TNIP1: variants seen among roughly 807,000 people sequenced by gnomAD.
TNIP1 encodes TNFAIP3-interacting protein 1.
A neutral mutation model predicts 86.6 loss-of-function variants in TNIP1; 22 were observed. That is an observed-to-expected ratio of 0.25 (90% CI 0.18 to 0.36). The LOEUF is 0.36. Among genes scored for constraint, TNIP1 ranks in the 10% least tolerant of loss-of-function variants. The probability of loss-of-function intolerance (pLI) is 1.00; values close to 1 mark genes in which losing one functional copy is unlikely to be tolerated. For missense variants in TNIP1, 709 were observed against 820.6 expected (o/e 0.86, Z 1.66); for synonymous variants, 294 against 313.0 (o/e 0.94, Z 0.64).
chr5:151,075,636 A>G (rs1763302196), intron 1 of TNIP1, among the ~76,000 whole-genome samples: 1 of 152,234 alleles, frequency 6.6e-6, no homozygotes, highest in Non-Finnish European at 1.5e-5. Flanking sequence ...AATATTTTCT[A>G]AAAGTCTATG....
intron 17 of TNIP1, 26 bp downstream of exon 17, chr5:151,032,261 A>G: frequency 6.3e-7 from 1 of 1,578,452 alleles, no homozygotes; most frequent in Non-Finnish European, 8.7e-7. Flanking sequence ...CCCAGGGAGG[A>G]CCAAGACTCA....
At chr5:151,082,957 C>T (rs550089911), upstream of TNIP1, among the ~76,000 whole-genome samples, 5 of 152,276 alleles carry the variant, frequency 3.3e-5, no homozygotes, top group East Asian at 5.8e-4. Flanking sequence ...TAAACTGAGT[C>T]CTCTGTCTAG....
At chr5:151,034,862 T>G in intron 15 of TNIP1, 140 bp downstream of exon 15, 1 of 876,268 alleles carries the variant, frequency 1.1e-6, no homozygotes, top group Non-Finnish European at 1.8e-6. Context: ...AATACTGCTC[T>G]AAGGCTTTTC....
intron 8 of TNIP1, among the ~76,000 whole-genome samples, chr5:151,049,096 G>C (rs528145944): frequency 6.6e-6 from 1 of 152,174 alleles, no homozygotes; most frequent in Admixed American, 6.5e-5. Context: ...TACGGTAATT[G>C]CTACTATTGC....
chr5:151,055,328 T>C (rs1271709777), intron 6 of TNIP1, among the ~76,000 whole-genome samples: 1 of 152,096 alleles, frequency 6.6e-6, no homozygotes, highest in African/African-American at 2.4e-5. Flanking sequence ...AAATAAAAAA[T>C]AACAGAGGTT....
chr5:151,047,666 T>C (rs1407965877), intron 8 of TNIP1, among the ~76,000 whole-genome samples: 1 of 152,090 alleles, frequency 6.6e-6, no homozygotes, highest in Non-Finnish European at 1.5e-5. Context: ...GCAACTCTTC[T>C]GTAAGTCTAG....
In TNIP1 at chr5:151,071,386, C is replaced by T. The variant is rs112345005; in HGVS notation, c.-36-6255G>A. Reference sequence around the variant, plus strand: ...GGTACACTAGGGCGAACATCTTAACCCTCACTAGGCCTCAGTTACCTAAAA... The same window carrying T: ...GGTACACTAGGGCGAACATCTTAACTCTCACTAGGCCTCAGTTACCTAAAA... On this transcript the variant is annotated intron_variant, in intron 1 of 17. Transcript: ENST00000521591. Among the ~76,000 whole-genome samples the T allele has an allele frequency of 6.0e-3, 919 of 152,234 alleles. 9 individuals carry two copies. The highest frequency in any genetic ancestry group is 0.021 in the African/African-American group (886 of 41,504).
intron 13 of TNIP1, among the ~76,000 whole-genome samples, chr5:151,036,177 G>A (rs546134114): frequency 6.6e-6 from 1 of 152,170 alleles, no homozygotes; most frequent in Non-Finnish European, 1.5e-5. Flanking sequence ...CCTTAGTGCA[G>A]ATCAGCTGAG....
chr5:151,069,949 G>A (rs1442824473), intron 1 of TNIP1, among the ~76,000 whole-genome samples: 1 of 152,164 alleles, frequency 6.6e-6, no homozygotes, highest in Non-Finnish European at 1.5e-5. Context: ...TGGAAACATC[G>A]CTGCCTTGGA....
In TNIP1 at chr5:151,062,101, C is replaced by T. The variant is rs753558890; in HGVS notation, c.357+26G>A. On this transcript the variant is annotated intron_variant, in intron 4 of 17. Transcript: ENST00000521591. ...ACTTGAGGTCCATCCAGGCAACCTC[C>T]ACCCATGACTCCAAATAAAACTTAC... 4 of 1,610,818 alleles carry T rather than the reference C, an allele frequency of 2.5e-6. No individual in the cohort carries two copies. In the South Asian group the frequency reaches 4.4e-5, roughly 18 times the overall value.
chr5:151,035,164 G>A, intron 14 of TNIP1, 97 bp from the exon 15 acceptor site: 1 of 1,372,106 alleles, frequency 7.3e-7, no homozygotes, highest in Non-Finnish European at 1.0e-6. Flanking sequence ...CTGACCGGCT[G>A]ATGCTTCCCT....
intron 7 of TNIP1, among the ~76,000 whole-genome samples, chr5:151,050,718 C>A (rs921850069): frequency 6.6e-6 from 1 of 152,078 alleles, no homozygotes; most frequent in Non-Finnish European, 1.5e-5. Context: ...ACCACAGCCT[C>A]GACTGCTCCT....
intron 6 of TNIP1, among the ~76,000 whole-genome samples, chr5:151,052,699 G>A (rs903539657): frequency 4.6e-5 from 7 of 152,128 alleles, no homozygotes; most frequent in African/African-American, 1.7e-4. Context: ...ACAGCCCCCC[G>A]CTTTTACGCT....
chr5:151,051,374 C>G (rs1296092529), intron 7 of TNIP1, among the ~76,000 whole-genome samples: 2 of 152,116 alleles, frequency 1.3e-5, no homozygotes, highest in African/African-American at 2.4e-5. Flanking sequence ...CCAGCTGGTA[C>G]CCACCAGATG....
intron 1 of TNIP1, among the ~76,000 whole-genome samples, chr5:151,074,845 C>T (rs529687278): frequency 9.3e-4 from 142 of 152,340 alleles, no homozygotes; most frequent in Non-Finnish European, 1.6e-3. Context: ...GTGGCATGAT[C>T]TCAGTTCACT....
intron 8 of TNIP1, among the ~76,000 whole-genome samples, chr5:151,047,429 G>A (rs1759319755): frequency 6.6e-6 from 1 of 152,168 alleles, no homozygotes; most frequent in South Asian, 2.1e-4. Context: ...CAGACTAGAG[G>A]AAAATGAGGG....
At chr5:151,044,734 G>C (rs143148218) in intron 9 of TNIP1, among the ~76,000 whole-genome samples, 37 of 152,144 alleles carry the variant, frequency 2.4e-4, no homozygotes, top group African/African-American at 8.9e-4. Flanking sequence ...GCTGCACTTC[G>C]ACCTCGGGTC....
intron 5 of TNIP1, among the ~76,000 whole-genome samples, chr5:151,057,916 G>A (rs1470826665): frequency 6.6e-6 from 1 of 152,144 alleles, no homozygotes; most frequent in Non-Finnish European, 1.5e-5. Flanking sequence ...AGGGACTTGA[G>A]CATCCATGGA....
intron 1 of TNIP1, among the ~76,000 whole-genome samples, chr5:151,067,535 C>A (rs1762375504): frequency 6.6e-6 from 1 of 152,322 alleles, no homozygotes; most frequent in African/African-American, 2.4e-5. Flanking sequence ...ACAAAGGCAG[C>A]AGTGTCCTGG....
Sources: allele counts gnomAD v4.1 joint callset (sites outside exome capture counted in the v4.1 genomes callset), GRCh38; gene constraint gnomAD v4.1.1; transcripts MANE v1.5; gene names NCBI Gene and HGNC (gene_info 2026-07-23, HGNC 2026-07-21).